Variants in UBE2L3 observed in about 807,000 individuals in gnomAD.
UBE2L3 encodes ubiquitin conjugating enzyme E2 L3.
In UBE2L3, 1 loss-of-function variant was observed where a neutral mutation model predicts 17.8. That is an observed-to-expected ratio of 0.06 (90% CI 0.02 to 0.27). The LOEUF (loss-of-function observed/expected upper bound fraction) is 0.27. Among genes scored for constraint, UBE2L3 ranks in the 10% least tolerant of loss-of-function variants. The pLI is 1.00. For missense variants in UBE2L3, 40 were observed against 192.6 expected (o/e 0.21, Z 4.69); for synonymous variants, 44 against 68.5 (o/e 0.64, Z 1.76).
chr22:21,572,784 C>T (rs1385987567), intron 1 of UBE2L3, among the ~76,000 whole-genome samples: 1 of 152,158 alleles, frequency 6.6e-6, no homozygotes, highest in Admixed American at 6.6e-5. Flanking sequence ...TGAGTCTTAG[C>T]TCCTCCTGTG....
chr22:21,576,077 G>A (rs2148405438), intron 1 of UBE2L3, among the ~76,000 whole-genome samples: 1 of 151,332 alleles, frequency 6.6e-6, no homozygotes, highest in African/African-American at 2.4e-5. Flanking sequence ...TCCCACAGGT[G>A]CTGAACTGGG....
At chr22:21,567,946 CAGCCTGGGCGGG>C in intron 1 of UBE2L3, 175 bp downstream of exon 1, 1 of 1,411,854 alleles carries the variant, frequency 7.1e-7, no homozygotes, top group African/African-American at 1.5e-5. Flanking sequence ...GCCTAGGCCG[CAGCCTGGGCGGG>C]AGCGCAAGGC....
At chr22:21,619,302 C>T (rs892631783) in intron 3 of UBE2L3, among the ~76,000 whole-genome samples, 2 of 152,162 alleles carry the variant, frequency 1.3e-5, no homozygotes, top group African/African-American at 4.8e-5. Flanking sequence ...GTACAGGTGG[C>T]TTGTACAGGG....
chr22:21,571,436 T>G (rs182427807), intron 1 of UBE2L3, among the ~76,000 whole-genome samples: 5 of 152,292 alleles, frequency 3.3e-5, no homozygotes, highest in Admixed American at 3.3e-4. Flanking sequence ...GTTAAGGAGT[T>G]TCACTCTTGT....
intron 1 of UBE2L3, among the ~76,000 whole-genome samples, chr22:21,581,104 G>A (rs1449628116): frequency 1.3e-5 from 2 of 150,912 alleles, no homozygotes; most frequent in Admixed American, 1.3e-4. Flanking sequence ...GCCCAGGCTG[G>A]AGTGCAGTGG....
intron 1 of UBE2L3, chr22:21,568,436 C>T (rs150233113): frequency 1.0e-6 from 1 of 985,328 alleles, no homozygotes; most frequent in South Asian, 4.7e-5. Flanking sequence ...GGTTCTGCTT[C>T]CCTCTCCTCC....
intron 1 of UBE2L3, among the ~76,000 whole-genome samples, chr22:21,570,186 G>A (rs929607850): frequency 6.6e-6 from 1 of 152,148 alleles, no homozygotes; most frequent in Non-Finnish European, 1.5e-5. Flanking sequence ...ATCCCGAAGG[G>A]CAGGGATCTT....
At chr22:21,601,705 C>T (rs572691993) in intron 2 of UBE2L3, among the ~76,000 whole-genome samples, 1 of 150,758 alleles carries the variant, frequency 6.6e-6, no homozygotes, top group Admixed American at 6.6e-5. Context: ...CGGTGGCTCA[C>T]TCACGCCTGT....
At chr22:21,588,501 T>G (rs1928075480) in intron 1 of UBE2L3, among the ~76,000 whole-genome samples, 1 of 139,292 alleles carries the variant, frequency 7.2e-6, no homozygotes, top group Non-Finnish European at 1.5e-5. Context: ...AGGGTCTCAC[T>G]CTAGTTGCCC....
intron 1 of UBE2L3, among the ~76,000 whole-genome samples, chr22:21,558,898 G>T (rs1250708486): frequency 1.3e-5 from 2 of 151,994 alleles, no homozygotes; most frequent in East Asian, 3.9e-4. Flanking sequence ...ATACAGGACT[G>T]AAGAAGACAG....
intron 3 of UBE2L3, among the ~76,000 whole-genome samples, chr22:21,620,476 A>G (rs188148698): frequency 4.2e-4 from 64 of 152,270 alleles, no homozygotes; most frequent in African/African-American, 1.5e-3. Flanking sequence ...GAAGAGGGGC[A>G]CTGTTTTACA....
intron 3 of UBE2L3, among the ~76,000 whole-genome samples, chr22:21,612,826 G>A (rs1219883171): frequency 6.6e-6 from 1 of 151,072 alleles, no homozygotes; most frequent in Non-Finnish European, 1.5e-5. Flanking sequence ...TAGTAGAGAC[G>A]GGGTTTCACC....
chr22:21,557,756 C>G (rs1926288999), intron 1 of UBE2L3, among the ~76,000 whole-genome samples: 1 of 152,266 alleles, frequency 6.6e-6, no homozygotes, highest in Non-Finnish European at 1.5e-5. Flanking sequence ...CTCCTGACCT[C>G]GTGATCCACC....
upstream of UBE2L3, among the ~76,000 whole-genome samples, chr22:21,565,784 A>AC (rs1926605453): frequency 6.9e-6 from 1 of 145,164 alleles, no homozygotes; most frequent in Non-Finnish European, 1.5e-5. Context: ...AAAAAAAAAA[A>AC]GAGAAAAACT....
chr22:21,621,454 T>C, intron 3 of UBE2L3, 61 bp from the exon 4 acceptor site: 1 of 1,524,940 alleles, frequency 6.6e-7, no homozygotes, highest in South Asian at 1.3e-5. Context: ...ATTAGCTGCC[T>C]CTTGCCTGTG....
chr22:21,593,516 C>T (rs1014679559), intron 2 of UBE2L3, among the ~76,000 whole-genome samples: 3 of 152,148 alleles, frequency 2.0e-5, no homozygotes, highest in African/African-American at 7.2e-5. Flanking sequence ...GCCCAGCTCC[C>T]CCATCTCACA....
upstream of UBE2L3, among the ~76,000 whole-genome samples, chr22:21,566,184 G>A (rs1926626772): frequency 6.6e-6 from 1 of 151,802 alleles, no homozygotes; most frequent in South Asian, 2.1e-4. Flanking sequence ...TGTTGGTCAG[G>A]GTGGTCTCAA....
intron 3 of UBE2L3, among the ~76,000 whole-genome samples, chr22:21,618,329 C>G (rs1265835776): frequency 1.3e-5 from 2 of 151,412 alleles, no homozygotes; most frequent in East Asian, 4.0e-4. Context: ...CTTTGGGAGG[C>G]GGAGGCAGGT....
At chr22:21,619,772 A>G (rs1929960182) in intron 3 of UBE2L3, among the ~76,000 whole-genome samples, 1 of 152,152 alleles carries the variant, frequency 6.6e-6, no homozygotes, top group Non-Finnish European at 1.5e-5. Context: ...GCTCACTGCA[A>G]CTGCCGTCTC....
Sources: allele counts gnomAD v4.1 joint callset (sites outside exome capture counted in the v4.1 genomes callset), GRCh38; gene constraint gnomAD v4.1.1; transcripts MANE v1.5; gene names NCBI Gene and HGNC (gene_info 2026-07-23, HGNC 2026-07-21).